The following SLC2A13 variants were observed in gnomAD, a reference collection of about 807,000 sequenced individuals.
SLC2A13 encodes solute carrier family 2 member 13.
In SLC2A13, 32 loss-of-function variants were observed where a neutral mutation model predicts 64.4. The observed-to-expected ratio is 0.50, with a 90% CI of 0.37 to 0.67. The LOEUF is 0.67. Among genes scored for constraint, SLC2A13 ranks in the 30% least tolerant of loss-of-function variants. The probability of loss-of-function intolerance (pLI) is 0.00; values close to 1 mark genes in which losing one functional copy is unlikely to be tolerated. For synonymous variants in SLC2A13, 338 were observed against 327.1 expected (o/e 1.03, Z -0.36); for missense variants, 743 against 829.2 (o/e 0.90, Z 1.28).
chr12:39,906,210 A>C (rs17559609), intron 4 of SLC2A13, among the ~76,000 whole-genome samples: 12,100 of 152,210 alleles, frequency 0.079, 687 homozygotes, highest in Non-Finnish European at 0.12. Context: ...CAATTCTTGA[A>C]GTCAGTAATT....
chr12:40,099,313 A>G (rs1939069317), intron 1 of SLC2A13, among the ~76,000 whole-genome samples: 1 of 152,222 alleles, frequency 6.6e-6, no homozygotes, highest in African/African-American at 2.4e-5. Flanking sequence ...AGGAAAAAGA[A>G]AGGTAAAGAA....
chr12:40,095,485 T>C (rs1289898229), intron 1 of SLC2A13, among the ~76,000 whole-genome samples: 1 of 152,256 alleles, frequency 6.6e-6, no homozygotes, highest in Non-Finnish European at 1.5e-5. Context: ...TTGGGCTTAA[T>C]ATTTGCAGGA....
intron 7 of SLC2A13, among the ~76,000 whole-genome samples, chr12:39,823,817 A>G (rs561118317): frequency 6.6e-5 from 10 of 152,200 alleles, no homozygotes; most frequent in Non-Finnish European, 1.3e-4. Context: ...GCAGTGATAT[A>G]CTGAAGCACA....
chr12:40,013,287 A>G (rs1947563555), intron 3 of SLC2A13, among the ~76,000 whole-genome samples: 1 of 152,174 alleles, frequency 6.6e-6, no homozygotes, highest in African/African-American at 2.4e-5. Flanking sequence ...AGAGCAGGGG[A>G]TCTTGTTACC....
chr12:40,046,714 G>A (rs1002421639), intron 2 of SLC2A13, among the ~76,000 whole-genome samples: 5 of 151,424 alleles, frequency 3.3e-5, no homozygotes. Flanking sequence ...TTTAAAAACT[G>A]TGTCCTCCCC....
Position 40,039,733 on chromosome 12 carries a change from C to T in SLC2A13, c.716+8318G>A, listed in dbSNP as rs920965865. On this transcript the variant is annotated intron_variant, in intron 2 of 9. Coordinates refer to ENST00000280871, the MANE Select transcript of SLC2A13 (RefSeq NM_052885.4). ...AGATCTCCCACACACTTCCTGCCCA[C>T]GTATGCATAGCCTCCCCAATTATCA... 1.2e-3 allele frequency among the ~76,000 whole-genome samples: 180 copies of T among 152,312 alleles called. 2 individuals carry two copies. Among genetic ancestry groups the T allele is most frequent in the Non-Finnish European group, 2.4e-4 (16 of 68,036 alleles).
At chr12:39,812,337 T>TTTTTCTTTTCTTTCTTTTCTTTTC (rs1555239890) in intron 7 of SLC2A13, among the ~76,000 whole-genome samples, 1 of 135,188 alleles carries the variant, frequency 7.4e-6, no homozygotes, top group African/African-American at 3.0e-5. Flanking sequence ...ACTAATTTCT[T>TTTTTCTTTTCTTTCTTTTCTTTTC]TTTTCTTTTC....
chr12:39,823,702 A>T lies in SLC2A13; in HGVS notation c.1445+6401T>A, dbSNP rs181050444. Among the ~76,000 whole-genome samples the T allele has an allele frequency of 3.6e-4, 55 of 152,126 alleles. 1 individual carries two copies. In the East Asian group the frequency reaches 0.01, roughly 28 times the overall value. ...GGGCTCAAGTGATCCTCCTGCTTTC[A>T]CCTCTCGAGTAGCTGGGACTACAGG... On this transcript the variant is annotated intron_variant, in intron 7 of 9. Transcript: ENST00000280871.
At chr12:40,079,637 A>G (rs1938317864) in intron 1 of SLC2A13, among the ~76,000 whole-genome samples, 1 of 152,158 alleles carries the variant, frequency 6.6e-6, no homozygotes, top group Admixed American at 6.5e-5. Flanking sequence ...TTAAGTGTCA[A>G]GTTTAGGTCC....
intron 7 of SLC2A13, among the ~76,000 whole-genome samples, chr12:39,768,413 T>TTTGG (rs1346102572): frequency 6.6e-6 from 1 of 152,130 alleles, no homozygotes; most frequent in Non-Finnish European, 1.5e-5. Context: ...AATTTGGCTA[T>TTTGG]TTGGTGCAAG....
chr12:40,019,963 G>A (rs1018714915), intron 3 of SLC2A13, among the ~76,000 whole-genome samples: 1 of 152,070 alleles, frequency 6.6e-6, no homozygotes, highest in Non-Finnish European at 1.5e-5. Context: ...GTGTTAATAA[G>A]TGAGTTAACT....
intron 9 of SLC2A13, among the ~76,000 whole-genome samples, chr12:39,762,183 C>G (rs1413675634): frequency 6.6e-6 from 1 of 151,996 alleles, no homozygotes; most frequent in African/African-American, 2.4e-5. Flanking sequence ...GTGGGCAGAC[C>G]TGGGAGGCTG....
chr12:40,045,401 T>C (rs1219911268), intron 2 of SLC2A13, among the ~76,000 whole-genome samples: 1 of 151,824 alleles, frequency 6.6e-6, no homozygotes, highest in Non-Finnish European at 1.5e-5. Context: ...TCTATTGTTA[T>C]AATTATGAAT....
intron 3 of SLC2A13, among the ~76,000 whole-genome samples, chr12:40,017,994 GAAAGAAAGAAA>G (rs1947648062): frequency 8.3e-6 from 1 of 121,206 alleles, no homozygotes; most frequent in Admixed American, 8.2e-5. Context: ...AAAAAAAAAA[GAAAGAAAGAAA>G]AAAGAAAGGA....
intron 6 of SLC2A13, among the ~76,000 whole-genome samples, chr12:39,848,860 C>T (rs1943391868): frequency 6.6e-6 from 1 of 152,120 alleles, no homozygotes; most frequent in East Asian, 1.9e-4. Context: ...GACGAGATCA[C>T]ATCTTTTGCA....
intron 2 of SLC2A13, among the ~76,000 whole-genome samples, chr12:40,042,734 G>A (rs1035557867): frequency 2.6e-5 from 4 of 152,102 alleles, no homozygotes; most frequent in African/African-American, 7.2e-5. Flanking sequence ...AAAGGTCAAT[G>A]ACATTCAGGA....
At chr12:40,081,469 T>C (rs573710959) in intron 1 of SLC2A13, among the ~76,000 whole-genome samples, 2 of 152,342 alleles carry the variant, frequency 1.3e-5, no homozygotes, top group East Asian at 3.9e-4. Context: ...TTCCTCAGAT[T>C]GGTCTATTCT....
At chr12:40,053,812 G>A (rs1948296797) in intron 1 of SLC2A13, among the ~76,000 whole-genome samples, 1 of 152,146 alleles carries the variant, frequency 6.6e-6, no homozygotes, top group Admixed American at 6.5e-5. Flanking sequence ...TAGGCACAGG[G>A]CCTGTTAACA....
intron 3 of SLC2A13, among the ~76,000 whole-genome samples, chr12:40,013,073 A>G (rs1232490398): frequency 6.6e-6 from 1 of 152,176 alleles, no homozygotes; most frequent in African/African-American, 2.4e-5. Context: ...CTACAGTAAA[A>G]ATGTTTTTAG....
Sources: allele counts gnomAD v4.1 joint callset (sites outside exome capture counted in the v4.1 genomes callset), GRCh38; gene constraint gnomAD v4.1.1; transcripts MANE v1.5; gene names NCBI Gene and HGNC (gene_info 2026-07-23, HGNC 2026-07-21).